PARVA: variants seen among roughly 807,000 people sequenced by gnomAD.
PARVA encodes the protein alpha-parvin.
A neutral mutation model predicts 52.6 loss-of-function variants in PARVA; 25 were observed. That is an observed-to-expected ratio of 0.48 (90% CI 0.35 to 0.66). The LOEUF is 0.66. Ranked by LOEUF, PARVA falls within the 30% of genes least tolerant of loss-of-function variation. The pLI is 0.01. For synonymous variants in PARVA, 185 were observed against 179.1 expected, an observed-to-expected ratio of 1.03 and a Z score of -0.26; for missense variants, 373 against 450.9, an observed-to-expected ratio of 0.83 and a Z score of 1.56.
intron 4 of PARVA, chr11:12,479,669 TTCTC>T (rs1173615153): frequency 1.3e-5 from 2 of 152,238 alleles, no homozygotes; most frequent in African/African-American, 2.4e-5. Flanking sequence ...ACACAAATGT[TTCTC>T]TCTCTGAGGG....
At position 12,507,514 on chromosome 11, in the gene PARVA, TG is replaced by T. The variant is rs530129781; in HGVS notation, c.658-1068del. 2.5e-4 allele frequency among the ~76,000 whole-genome samples: 38 copies of T among 152,308 alleles called. No homozygotes were observed. In the East Asian group the frequency reaches 6.8e-3, roughly 27 times the overall value. ...CTGACTGATGGCAGCTGCCCTCCCC[TG>T]GATGGCCTCTGGAACACATTTGTGC... is the stretch of plus-strand genomic sequence containing the variant. On this transcript the variant is annotated intron_variant, in intron 6 of 12. Coordinates refer to ENST00000334956, the MANE Select transcript of PARVA (RefSeq NM_018222.5).
chr11:12,408,229 C>T (rs2134972007), intron 1 of PARVA, among the ~76,000 whole-genome samples: 1 of 152,248 alleles, frequency 6.6e-6, no homozygotes, highest in Non-Finnish European at 1.5e-5. Context: ...TTTCCTGTCG[C>T]AGCAGTGAAC....
At chr11:12,441,453 T>G (rs1034689574) in intron 1 of PARVA, among the ~76,000 whole-genome samples, 21 of 152,112 alleles carry the variant, frequency 1.4e-4, no homozygotes, top group African/African-American at 5.1e-4. Flanking sequence ...ACCGCCCAGC[T>G]AAATCTCACA....
At chr11:12,403,408 A>T (rs989833594) in intron 1 of PARVA, among the ~76,000 whole-genome samples, 3 of 152,194 alleles carry the variant, frequency 2.0e-5, no homozygotes, top group African/African-American at 7.2e-5. Flanking sequence ...AGGCTTTTGC[A>T]TGGTGATGAT....
intron 7 of PARVA, 120 bp from the exon 8 acceptor site, chr11:12,511,394 G>A: frequency 9.7e-7 from 1 of 1,034,704 alleles, no homozygotes; most frequent in East Asian, 2.6e-5. Flanking sequence ...ACCAAGGGCA[G>A]GTGGGTGGCA....
intron 1 of PARVA, among the ~76,000 whole-genome samples, chr11:12,467,723 C>A (rs1443690852): frequency 6.6e-6 from 1 of 152,196 alleles, no homozygotes; most frequent in Non-Finnish European, 1.5e-5. Flanking sequence ...GGATCTAGAG[C>A]AGCCTAAACA....
chr11:12,427,981 C>A (rs1298040921), intron 1 of PARVA, among the ~76,000 whole-genome samples: 2 of 152,254 alleles, frequency 1.3e-5, no homozygotes, highest in Non-Finnish European at 2.9e-5. Context: ...ACATTGCCCA[C>A]TGCATGCCCA....
chr11:12,434,660 T>A (rs1940363143), intron 1 of PARVA, among the ~76,000 whole-genome samples: 1 of 152,156 alleles, frequency 6.6e-6, no homozygotes, highest in African/African-American at 2.4e-5. Context: ...CCATGAAGAC[T>A]TGCTCTCAGC....
chr11:12,520,986 G>C (rs748488333), intron 12 of PARVA, among the ~76,000 whole-genome samples: 40 of 152,134 alleles, frequency 2.6e-4, no homozygotes, highest in Non-Finnish European at 4.4e-4. Context: ...GCAGCTGGCA[G>C]CTTTTTATTT....
At chr11:12,435,219 C>T (rs1212002598) in intron 1 of PARVA, among the ~76,000 whole-genome samples, 1 of 152,172 alleles carries the variant, frequency 6.6e-6, no homozygotes, top group African/African-American at 2.4e-5. Flanking sequence ...AGGTGTTGCT[C>T]AAGGCTCCCC....
chr11:12,468,938 A>T (rs1474184026), intron 1 of PARVA, among the ~76,000 whole-genome samples: 1 of 152,194 alleles, frequency 6.6e-6, no homozygotes, highest in Non-Finnish European at 1.5e-5. Context: ...TGACATGATG[A>T]TGCTTGAGCC....
intron 1 of PARVA, chr11:12,452,842 C>A: frequency 3.2e-6 from 1 of 314,298 alleles, no homozygotes; most frequent in Non-Finnish European, 6.6e-6. Flanking sequence ...ACGCACTGAG[C>A]TGAGAGTTGT....
At chr11:12,433,326 C>G (rs1283490567) in intron 1 of PARVA, among the ~76,000 whole-genome samples, 2 of 152,244 alleles carry the variant, frequency 1.3e-5, no homozygotes, top group African/African-American at 4.8e-5. Context: ...ATGTGTAAGC[C>G]CAAATAAAAG....
At chr11:12,401,775 T>C (rs78296080) in intron 1 of PARVA, among the ~76,000 whole-genome samples, 14,403 of 152,228 alleles carry the variant, frequency 0.095, 1,225 homozygotes, top group African/African-American at 0.23. Context: ...GTTTTTAAAA[T>C]AATCAAGACA....
chr11:12,414,333 T>G (rs1940034190), intron 1 of PARVA, among the ~76,000 whole-genome samples: 1 of 152,254 alleles, frequency 6.6e-6, no homozygotes, highest in African/African-American at 2.4e-5. Context: ...AGACTTAGTT[T>G]GCTGAGTTTT....
At chr11:12,466,339 C>T (rs1940854408) in intron 1 of PARVA, among the ~76,000 whole-genome samples, 1 of 146,422 alleles carries the variant, frequency 6.8e-6, no homozygotes, top group Non-Finnish European at 1.5e-5. Context: ...CGGAGTCTTG[C>T]TCTGTTGCCC....
chr11:12,487,225 G>C (rs10831835), intron 4 of PARVA, among the ~76,000 whole-genome samples: 51,427 of 152,054 alleles, frequency 0.34, 10,584 homozygotes, highest in East Asian at 0.54. Context: ...ATCTTGAAGA[G>C]TTTGATCTTG....
chr11:12,513,103 G>C lies in PARVA; in HGVS notation c.737-196G>C, dbSNP rs747989829. 9.6e-5 allele frequency: 67 copies of C among 695,674 alleles called. No individual in the cohort carries two copies. The Middle Eastern group carries it at 1.2e-3, about 12-fold the overall frequency. The allele number at this position is 695,674 out of a possible 1,614,324, so 43.1% of individuals were successfully genotyped here. A position where few individuals can be genotyped will look rare whatever the true frequency, so the allele number is the denominator to read the frequency against. On this transcript the variant is annotated intron_variant, in intron 8 of 12. Transcript: ENST00000334956. ...TACACATGCACGGACACAGACACAG[G>C]CTCCCAGGGTGAGAATCACCCCAAA...
intron 10 of PARVA, 104 bp from the exon 11 acceptor site, chr11:12,517,506 G>A: frequency 3.7e-6 from 3 of 820,254 alleles, no homozygotes; most frequent in South Asian, 1.5e-5. Context: ...GCCTGGCTGG[G>A]GTGGTAGGCT....
Sources: allele counts gnomAD v4.1 joint callset (sites outside exome capture counted in the v4.1 genomes callset), GRCh38; gene constraint gnomAD v4.1.1; transcripts MANE v1.5; gene names NCBI Gene and HGNC (gene_info 2026-07-23, HGNC 2026-07-21).